The following OR2J2 variants were observed in gnomAD, a reference collection of about 807,000 sequenced individuals.
The protein encoded by OR2J2 is olfactory receptor family 2 subfamily J member 2, also known as olfactory receptor 2J2.
OR2J2 carries 13 observed loss-of-function variants against 16.9 expected under a neutral mutation model. That is an observed-to-expected ratio of 0.77 (90% CI 0.50 to 1.23). OR2J2 has a LOEUF of 1.23. OR2J2 is among the 50% of genes most tolerant of loss of function. The probability of loss-of-function intolerance (pLI) is 0.00; values close to 1 mark genes in which losing one functional copy is unlikely to be tolerated. For synonymous variants in OR2J2, 125 were observed against 141.2 expected (o/e 0.89, Z 0.81); for missense variants, 341 against 379.1 (o/e 0.90, Z 0.84).
chr6:29,171,259 T>A (rs1283779383), intron 1 of OR2J2, among the ~76,000 whole-genome samples, 154 bp downstream of exon 1: 1 of 152,168 alleles, frequency 6.6e-6, no homozygotes, highest in East Asian at 1.9e-4. Context: ...AATCATTCTA[T>A]AATGTATATA....
Position 29,175,286 on chromosome 6 carries a change from A to G in OR2J2, c.*712A>G, listed in dbSNP as rs3129160. On this transcript the variant is annotated 3_prime_UTR_variant, in exon 2 of 2. Transcript: ENST00000641417. Reference sequence around the variant, plus strand: ...TCCAGTTTGTGAAATTCTTGGTAACATGTATAAATATAACATACTCTGTCT... The same window carrying G: ...TCCAGTTTGTGAAATTCTTGGTAACGTGTATAAATATAACATACTCTGTCT... 118,112 of 151,992 alleles carry G rather than the reference A, an allele frequency of 0.78. 46,643 individuals carry two copies. The highest frequency in any genetic ancestry group is 0.85 in the Non-Finnish European group (57,566 of 68,000). The allele number at this position is 151,992 out of a possible 1,614,324, so 9.4% of individuals were successfully genotyped here.
At chr6:29,173,375 C>G (rs977662456) in intron 1 of OR2J2, 3 of 389,170 alleles carry the variant, frequency 7.7e-6, no homozygotes, top group Non-Finnish European at 1.4e-5. Flanking sequence ...CTATCTTAGT[C>G]TTCATTAATC....
rs1765701112 is a variant in OR2J2 at position 29,174,311 on chromosome 6, G to A, written c.676G>A (p.Val226Ile). The change falls in exon 2 of 2, where the codon GTA (valine) becomes ATA (isoleucine). Residue 226 changes from valine (V) to isoleucine (I), a missense_variant. Transcript: ENST00000641417. Reference protein sequence around the residue: ...LTTYGAIARAVLSMQSTTGLQ... With the variant: ...LTTYGAIARAILSMQSTTGLQ... ...TACCTATGGTGCCATTGCCCGGGCTGTACTGAGCATGCAATCAACCACTGG... is the reference window on the plus strand; with the variant it reads ...TACCTATGGTGCCATTGCCCGGGCTATACTGAGCATGCAATCAACCACTGG... 1 of 1,613,852 alleles carries A rather than the reference G, an allele frequency of 6.2e-7. No individual in the cohort carries two copies.
Position 29,174,517 on chromosome 6 carries a change from A to G in OR2J2, c.882A>G (p.Arg294=), listed in dbSNP as rs1272251742. Residue 294 remains arginine, a synonymous_variant, in exon 2 of 2, where the codon AGA becomes AGG. Transcript: ENST00000641417. ...TTAATCCTCTAATCTACACTCTCAG[A>G]AACAAGCATGTAAAAGGGGCAGCGA... ...PSLNPLIYTL[R]NKHVKGAAKR... 2.5e-6 allele frequency: 4 copies of G among 1,613,858 alleles called. 1 individual carries two copies. The Admixed American group carries it at 6.7e-5, about 27-fold the overall frequency.
Position 29,174,835 on chromosome 6 carries a change from A to G in OR2J2, c.*261A>G, listed in dbSNP as rs1765749052. ...ATTGTGGACTGTGGTTTCAACGTAA[A>G]TAAATGTGCATGCGAATAGTTATGA... On this transcript the variant is annotated 3_prime_UTR_variant, in exon 2 of 2. Transcript: ENST00000641417. The G allele has an allele frequency of 2.4e-6, 1 of 416,668 alleles. No individual in the cohort carries two copies. The highest frequency in any genetic ancestry group is 4.2e-6 in the Non-Finnish European group (1 of 237,146). The allele number at this position is 416,668 out of a possible 1,614,324, so 25.8% of individuals were successfully genotyped here.
rs3129160 is a variant in OR2J2, at chr6:29,175,286, A to C, written c.*712A>C. The C allele has an allele frequency of 2.2e-4, 33 of 152,040 alleles. 1 individual carries two copies. The highest frequency in any genetic ancestry group is 1.5e-3 in the Admixed American group (23 of 15,238). The allele number at this position is 152,040 out of a possible 1,614,324, so 9.4% of individuals were successfully genotyped here. On this transcript the variant is annotated 3_prime_UTR_variant, in exon 2 of 2. Transcript: ENST00000641417. ...TCCAGTTTGTGAAATTCTTGGTAAC[A>C]TGTATAAATATAACATACTCTGTCT...
chr6:29,174,154 C>A lies in OR2J2; in HGVS notation c.519C>A (p.Arg173=). 6.2e-7 allele frequency: 1 copy of A among 1,613,746 alleles called. No homozygotes were observed. The highest frequency in any genetic ancestry group is 8.5e-7 in the Non-Finnish European group (1 of 1,179,946). The part of the protein sequence containing the change: ...FTFWVPLCGH[R]LVDHFFCEVP... ...TCTGGGTACCCCTTTGTGGACATCGCCTAGTGGATCACTTCTTCTGTGAAG... is the reference window on the plus strand; with the variant it reads ...TCTGGGTACCCCTTTGTGGACATCGACTAGTGGATCACTTCTTCTGTGAAG... The change falls in exon 2 of 2, where the codon CGC becomes CGA. Residue 173 remains arginine (R), a synonymous_variant. Transcript: ENST00000641417.
chr6:29,171,644 A>G (rs1765495548), intron 1 of OR2J2, among the ~76,000 whole-genome samples: 1 of 152,056 alleles, frequency 6.6e-6, no homozygotes, highest in Non-Finnish European at 1.5e-5. Flanking sequence ...AAGATGGGTC[A>G]TATAACAGAT....
In OR2J2 at chr6:29,173,948, G is replaced by T; in HGVS notation, c.313G>T (p.Val105Phe). Residue 105 changes from valine (V) to phenylalanine (F), a missense_variant, in exon 2 of 2, where the codon GTT (valine) becomes TTT (phenylalanine). Physicochemically the swap from Val to Phe is conservative, Grantham distance 50. Transcript: ENST00000641417. ...YAGCMVQLYF[V>F]LALGITECVL... ...TGGTTGCATGGTTCAACTTTACTTTGTTCTTGCACTGGGAATCACAGAGTG... is the reference window on the plus strand; with the variant it reads ...TGGTTGCATGGTTCAACTTTACTTTTTTCTTGCACTGGGAATCACAGAGTG... 2 of 1,611,740 alleles carry T rather than the reference G, an allele frequency of 1.2e-6. No homozygotes were observed. The highest frequency in any genetic ancestry group is 1.1e-5 in the South Asian group (1 of 90,858).
At position 29,174,647 on chromosome 6, in the gene OR2J2, T is replaced by A; in HGVS notation, c.*73T>A. Reference sequence around the variant, plus strand: ...CCATCTTGAAAGGTGGTTTCCCTGCTTCTTTGTGATTTATTTTTGTTCTAA... The same window carrying A: ...CCATCTTGAAAGGTGGTTTCCCTGCATCTTTGTGATTTATTTTTGTTCTAA... On this transcript the variant is annotated 3_prime_UTR_variant, in exon 2 of 2. Transcript: ENST00000641417. The A allele has an allele frequency of 8.4e-7, 1 of 1,191,546 alleles. No homozygotes were observed. Among genetic ancestry groups the A allele is most frequent in the Non-Finnish European group, 1.2e-6 (1 of 857,932 alleles). The allele number at this position is 1,191,546 out of a possible 1,614,324, so 73.8% of individuals were successfully genotyped here. A position where few individuals can be genotyped will look rare whatever the true frequency, so the allele number is the denominator to read the frequency against.
rs781597779 is a variant in OR2J2, at chr6:29,174,329, A to G, written c.694A>G (p.Thr232Ala). The G allele has an allele frequency of 1.9e-6, 3 of 1,613,780 alleles. No individual in the cohort carries two copies. ...IARAVLSMQS[T>A]TGLQKVFRTC... ...CCGGGCTGTACTGAGCATGCAATCA[A>G]CCACTGGGCTTCAGAAAGTGTTTAG... The change falls in exon 2 of 2, where the codon ACC becomes GCC. Residue 232 changes from threonine to alanine, a missense_variant. Thr to Ala is a moderately conservative substitution (Grantham distance 58). Coordinates refer to ENST00000641417, the MANE Select transcript of OR2J2 (RefSeq NM_030905.3).
chr6:29,174,391 T>A lies in OR2J2; in HGVS notation c.756T>A (p.Phe252Leu). 1 of 1,613,996 alleles carries A rather than the reference T, an allele frequency of 6.2e-7. No homozygotes were observed. Among genetic ancestry groups the A allele is most frequent in the Non-Finnish European group, 8.5e-7 (1 of 1,179,996 alleles). Residue 252 changes from phenylalanine to leucine, a missense_variant, in exon 2 of 2, where the codon TTT (phenylalanine) becomes TTA (leucine). Phe to Leu is a conservative substitution (Grantham distance 22). Transcript: ENST00000641417. ...CCCATCTTATGGTTGTATCTCTCTT[T>A]TTCATTCCAGTCATGTGCATGTATC... The part of the protein sequence containing the change: ...CGAHLMVVSL[F>L]FIPVMCMYLQ...
In OR2J2 at chr6:29,174,111, T is replaced by C. The variant is rs767081176; in HGVS notation, c.476T>C (p.Leu159Pro). The stretch of plus-strand genomic sequence containing the variant: ...GTAATTGGTTTTACTATCTCAGCAC[T>C]TCATTCCTCCTTTACTTTCTGGGTA... ...SWVIGFTISA[L>P]HSSFTFWVPL... The change falls in exon 2 of 2, where the codon CTT (leucine) becomes CCT (proline). Residue 159 changes from leucine to proline, a missense_variant. Transcript: ENST00000641417. 1.9e-6 allele frequency: 3 copies of C among 1,613,764 alleles called. 1 individual carries two copies. In the Admixed American group the frequency reaches 5.0e-5, roughly 27 times the overall value.
intron 1 of OR2J2, 67 bp downstream of exon 1, chr6:29,171,172 A>G (rs3130740): frequency 0.29 from 44,805 of 151,916 alleles, 7,487 homozygotes; most frequent in African/African-American, 0.45. Flanking sequence ...AAAATTGCAG[A>G]AAGTGTAGAT....
rs1765786018 is a variant in OR2J2 at position 29,175,222 on chromosome 6, A to T, written c.*648A>T. ...CATCTGTCCATTTATTCATTAACTT[A>T]TTCTTTATTAGCTAAATCTTATTGA... On this transcript the variant is annotated 3_prime_UTR_variant, in exon 2 of 2. Coordinates refer to ENST00000641417, the MANE Select transcript of OR2J2 (RefSeq NM_030905.3). 2 of 152,180 alleles carry T rather than the reference A, an allele frequency of 1.3e-5. No homozygotes were observed. The highest frequency in any genetic ancestry group is 2.9e-5 in the Non-Finnish European group (2 of 68,060). The allele number at this position is 152,180 out of a possible 1,614,324, so 9.4% of individuals were successfully genotyped here. A position where few individuals can be genotyped will look rare whatever the true frequency, so the allele number is the denominator to read the frequency against.
In OR2J2 at chr6:29,174,464, C is replaced by G; in HGVS notation, c.829C>G (p.Leu277Val). ...TCCTGATCAGGGCAAGTTCATTGCC[C>G]TCTTTTATACTGTTGTCACACCGAG... The part of the protein sequence containing the change: ...NSPDQGKFIA[L>V]FYTVVTPSLN... Residue 277 changes from leucine (L) to valine (V), a missense_variant, in exon 2 of 2, where the codon CTC becomes GTC. Leu to Val is a conservative substitution (Grantham distance 32). Coordinates refer to ENST00000641417, the MANE Select transcript of OR2J2 (RefSeq NM_030905.3). The G allele has an allele frequency of 6.2e-7, 1 of 1,613,974 alleles. No individual in the cohort carries two copies. Among genetic ancestry groups the G allele is most frequent in the South Asian group, 1.1e-5 (1 of 91,078 alleles).
chr6:29,174,740 T>A lies in OR2J2; in HGVS notation c.*166T>A. ...TTTTTATTATTTAGTTCTGAAATAT[T>A]ATGTTGAGATAAAGTTTCTGATTAG... On this transcript the variant is annotated 3_prime_UTR_variant, in exon 2 of 2. Transcript: ENST00000641417. 5.7e-6 allele frequency: 3 copies of A among 522,060 alleles called. No homozygotes were observed. Among genetic ancestry groups the A allele is most frequent in the Non-Finnish European group, 9.8e-6 (3 of 306,908 alleles). 32.3% of individuals were successfully genotyped at this position (522,060 alleles called of 1,614,324 possible).
In OR2J2 at chr6:29,174,664, T is replaced by C; in HGVS notation, c.*90T>C. 1 of 1,028,436 alleles carries C rather than the reference T, an allele frequency of 9.7e-7. No individual in the cohort carries two copies. Among genetic ancestry groups the C allele is most frequent in the Admixed American group, 2.7e-5 (1 of 36,638 alleles). The allele number at this position is 1,028,436 out of a possible 1,614,324, so 63.7% of individuals were successfully genotyped here. On this transcript the variant is annotated 3_prime_UTR_variant, in exon 2 of 2. Transcript: ENST00000641417. ...TTCCCTGCTTCTTTGTGATTTATTTTTGTTCTAACAGCTCACAAAACAGAA... is the reference window on the plus strand; with the variant it reads ...TTCCCTGCTTCTTTGTGATTTATTTCTGTTCTAACAGCTCACAAAACAGAA...
chr6:29,171,587 T>C (rs1483975200), intron 1 of OR2J2, among the ~76,000 whole-genome samples: 1 of 152,050 alleles, frequency 6.6e-6, no homozygotes, highest in African/African-American at 2.4e-5. Flanking sequence ...GGGGGTTTTT[T>C]TGTCCCTTAT....
Sources: allele counts gnomAD v4.1 joint callset (sites outside exome capture counted in the v4.1 genomes callset), GRCh38; gene constraint gnomAD v4.1.1; transcripts MANE v1.5; gene names NCBI Gene and HGNC (gene_info 2026-07-23, HGNC 2026-07-21).